The following CNTNAP2 variants were observed in gnomAD, a reference collection of about 807,000 sequenced individuals.
CNTNAP2 encodes the protein contactin associated protein 2.
A neutral mutation model predicts 155.2 loss-of-function variants in CNTNAP2; 98 were observed. That is an observed-to-expected ratio of 0.63 (90% confidence interval 0.54 to 0.75). The LOEUF (loss-of-function observed/expected upper bound fraction) is 0.75, where lower values mean the gene tolerates loss of function less well. CNTNAP2 is among the 30% of genes least tolerant of loss of function. The probability of loss-of-function intolerance (pLI) is 0.00; values close to 1 mark genes in which losing one functional copy is unlikely to be tolerated. For missense variants in CNTNAP2, 1,727 were observed against 1,688.1 expected, an observed-to-expected ratio of 1.02 and a Z score of -0.40; for synonymous variants, 651 against 631.2, an observed-to-expected ratio of 1.03 and a Z score of -0.47.
intron 1 of CNTNAP2, among the ~76,000 whole-genome samples, chr7:146,502,224 A>AATATATATATATAT (rs59759183): frequency 4.1e-4 from 39 of 94,798 alleles, no homozygotes; most frequent in South Asian, 6.7e-4. Flanking sequence ...TATATATATG[A>AATATATATATATAT]ATATATATAT....
intron 10 of CNTNAP2, among the ~76,000 whole-genome samples, chr7:147,409,656 C>A (rs1025871828): frequency 6.6e-6 from 1 of 151,902 alleles, no homozygotes; most frequent in Non-Finnish European, 1.5e-5. Flanking sequence ...ATGCATCTGA[C>A]AAAAGTCTAA....
At chr7:146,746,608 T>C (rs1422865620) in intron 1 of CNTNAP2, among the ~76,000 whole-genome samples, 3 of 152,116 alleles carry the variant, frequency 2.0e-5, no homozygotes, top group African/African-American at 7.2e-5. Flanking sequence ...ATTTTACCAA[T>C]CAAATATGAC....
At chr7:146,847,542 A>G (rs954702194) in intron 3 of CNTNAP2, among the ~76,000 whole-genome samples, 1 of 152,226 alleles carries the variant, frequency 6.6e-6, no homozygotes, top group Non-Finnish European at 1.5e-5. Flanking sequence ...AATGTCTGGA[A>G]CATATTAATC....
intron 3 of CNTNAP2, among the ~76,000 whole-genome samples, chr7:146,853,648 C>G (rs972362300): frequency 1.3e-5 from 2 of 152,096 alleles, no homozygotes; most frequent in Non-Finnish European, 2.9e-5. Flanking sequence ...CAGGCTTTTT[C>G]CTTGGCTTTA....
At chr7:147,727,371 G>A (rs1020978867) in intron 13 of CNTNAP2, among the ~76,000 whole-genome samples, 6 of 152,050 alleles carry the variant, frequency 3.9e-5, no homozygotes, top group African/African-American at 1.2e-4. Flanking sequence ...CTTTCTCTAC[G>A]TAAGACTAAC....
intron 12 of CNTNAP2, among the ~76,000 whole-genome samples, chr7:147,632,487 A>C (rs965965676): frequency 6.6e-6 from 1 of 152,120 alleles, no homozygotes; most frequent in African/African-American, 2.4e-5. Flanking sequence ...CGTTGCTCTC[A>C]TTCTCTCTTG....
chr7:146,468,172 G>T (rs139312598), intron 1 of CNTNAP2, among the ~76,000 whole-genome samples: 168 of 152,178 alleles, frequency 1.1e-3, no homozygotes, highest in Middle Eastern at 3.4e-3. Flanking sequence ...GAAAGTCAAC[G>T]AAGAAAACTA....
intron 13 of CNTNAP2, among the ~76,000 whole-genome samples, chr7:147,667,830 AAATAAAAG>A (rs1795723071): frequency 1.3e-5 from 2 of 148,870 alleles, no homozygotes; most frequent in African/African-American, 5.1e-5. Context: ...TAAAATAAAA[AAATAAAAG>A]ATACCAATGC....
intron 17 of CNTNAP2, among the ~76,000 whole-genome samples, chr7:148,158,900 G>T (rs996338205): frequency 1.3e-5 from 2 of 152,078 alleles, no homozygotes; most frequent in Non-Finnish European, 2.9e-5. Context: ...GATAATAAAT[G>T]GCAACTGTCC....
chr7:147,488,956 A>C (rs1187833252), intron 11 of CNTNAP2, among the ~76,000 whole-genome samples: 2 of 152,192 alleles, frequency 1.3e-5, no homozygotes, highest in African/African-American at 4.8e-5. Context: ...TACTCAATAA[A>C]TTTTTGTCAT....
chr7:147,648,701 GC>G (rs1472646585), intron 13 of CNTNAP2, among the ~76,000 whole-genome samples: 1 of 152,080 alleles, frequency 6.6e-6, no homozygotes, highest in East Asian at 1.9e-4. Context: ...GGAAAGACCT[GC>G]CCCCGTGATT....
intron 8 of CNTNAP2, among the ~76,000 whole-genome samples, chr7:147,144,349 C>A (rs920116898): frequency 2.0e-5 from 3 of 152,180 alleles, no homozygotes; most frequent in African/African-American, 7.2e-5. Context: ...ACCCCAGCAC[C>A]TTTATCTTGG....
At chr7:146,387,133 C>T (rs539773576) in intron 1 of CNTNAP2, among the ~76,000 whole-genome samples, 1 of 152,304 alleles carries the variant, frequency 6.6e-6, no homozygotes, top group South Asian at 2.1e-4. Flanking sequence ...TGTAATTTAC[C>T]AGCCCTTGAT....
intron 1 of CNTNAP2, among the ~76,000 whole-genome samples, chr7:146,673,586 A>G (rs778070482): frequency 5.3e-5 from 8 of 152,172 alleles, no homozygotes; most frequent in Non-Finnish European, 4.4e-5. Context: ...CCATACTTCA[A>G]TCACACACAG....
intron 9 of CNTNAP2, among the ~76,000 whole-genome samples, chr7:147,304,286 G>A (rs1290771753): frequency 6.6e-6 from 1 of 151,966 alleles, no homozygotes; most frequent in African/African-American, 2.4e-5. Flanking sequence ...GTGTGTTTTA[G>A]CTGCTTTAAC....
intron 3 of CNTNAP2, among the ~76,000 whole-genome samples, chr7:147,026,553 A>G (rs1250550502): frequency 6.6e-6 from 1 of 151,692 alleles, no homozygotes; most frequent in Admixed American, 6.6e-5. Flanking sequence ...AAATGAATAC[A>G]TCATCTCAAA....
chr7:146,216,358 A>G (rs1799113054), intron 1 of CNTNAP2, among the ~76,000 whole-genome samples: 1 of 152,182 alleles, frequency 6.6e-6, no homozygotes, highest in South Asian at 2.1e-4. Flanking sequence ...TAAAAAACAG[A>G]TATATTCTAA....
intron 1 of CNTNAP2, among the ~76,000 whole-genome samples, chr7:146,764,031 G>A (rs116720629): frequency 1.6e-3 from 237 of 152,298 alleles, no homozygotes; most frequent in African/African-American, 4.9e-3. Context: ...TTTTCAGTAA[G>A]TACATTGCTT....
chr7:146,283,511 G>T (rs932482223), intron 1 of CNTNAP2, among the ~76,000 whole-genome samples: 1 of 152,146 alleles, frequency 6.6e-6, no homozygotes, highest in African/African-American at 2.4e-5. Flanking sequence ...GGGACCACAG[G>T]TGTGAGCCAC....
Sources: allele counts gnomAD v4.1 joint callset (sites outside exome capture counted in the v4.1 genomes callset), GRCh38; gene constraint gnomAD v4.1.1; transcripts MANE v1.5; gene names NCBI Gene and HGNC (gene_info 2026-07-23, HGNC 2026-07-21).